ZNF717: variants seen among roughly 807,000 people sequenced by gnomAD.
ZNF717 encodes zinc finger protein 717, also known as krueppel-like factor X17.
A neutral mutation model predicts 13.8 loss-of-function variants in ZNF717; 9 were observed. The ratio of observed to expected loss-of-function variants is 0.65; its 90% CI spans 0.39 to 1.14. The LOEUF (loss-of-function observed/expected upper bound fraction) is 1.14, where lower values mean the gene tolerates loss of function less well. ZNF717 is among the 50% of genes most tolerant of loss of function. The pLI, the probability that ZNF717 is intolerant of heterozygous loss-of-function variation, is 0.01. For synonymous variants in ZNF717, 327 were observed against 364.1 expected (o/e 0.90, Z 1.16); for missense variants, 1,040 against 1,080.7 (o/e 0.96, Z 0.53).
intron 2 of ZNF717, among the ~76,000 whole-genome samples, chr3:75,772,861 T>C (rs1433315115): frequency 6.6e-6 from 1 of 152,270 alleles, no homozygotes; most frequent in South Asian, 2.1e-4. Context: ...TTGTGCCCTT[T>C]GACCTCTCAG....
intron 2 of ZNF717, among the ~76,000 whole-genome samples, chr3:75,753,434 T>C (rs1575853001): frequency 1.3e-5 from 2 of 151,204 alleles, no homozygotes; most frequent in South Asian, 4.2e-4. Context: ...TGAACACTGC[T>C]ACGAGGGTCT....
intron 2 of ZNF717, among the ~76,000 whole-genome samples, chr3:75,781,104 G>C (rs1944782785): frequency 6.6e-6 from 1 of 152,266 alleles, no homozygotes; most frequent in South Asian, 2.1e-4. Flanking sequence ...GGCCTGAGAA[G>C]GACTCCATAA....
chr3:75,694,701 T>C (rs1433725845), intron 6 of ZNF717, among the ~76,000 whole-genome samples: 274 of 152,370 alleles, frequency 1.8e-3, no homozygotes, highest in African/African-American at 5.9e-3. Flanking sequence ...GTTAAAAGAA[T>C]GGCAATAAAG....
downstream of ZNF717, chr3:75,709,506 A>G (rs2106832496): frequency 6.6e-6 from 1 of 152,378 alleles, no homozygotes; most frequent in East Asian, 1.9e-4. Flanking sequence ...AGGTTTTCAA[A>G]GGAAACAATG....
chr3:75,772,970 G>A (rs145524123), intron 2 of ZNF717, among the ~76,000 whole-genome samples: 1 of 152,212 alleles, frequency 6.6e-6, no homozygotes, highest in African/African-American at 2.4e-5. Flanking sequence ...GTTCCAAATA[G>A]GCTTTAGAAG....
chr3:75,730,559 G>A (rs1351322259), exon 6 of ZNF717: 69 of 699,110 alleles, frequency 9.9e-5, no homozygotes, highest in East Asian at 5.9e-4. Flanking sequence ...GGTCCCATAC[G>A]TAGGGATGTC....
chr3:75,711,367 A>T (rs1418448650), intron 5 of ZNF717: 1 of 152,268 alleles, frequency 6.6e-6, no homozygotes, highest in Non-Finnish European at 1.5e-5. Flanking sequence ...AAAAGTCATA[A>T]AAACATCATC....
intron 2 of ZNF717, among the ~76,000 whole-genome samples, chr3:75,749,818 G>C (rs796889672): frequency 6.6e-6 from 1 of 151,442 alleles, no homozygotes; most frequent in African/African-American, 2.4e-5. Context: ...ATCCTGCTGT[G>C]GTCTGAATGT....
chr3:75,745,393 T>C (rs1259527970), intron 2 of ZNF717, among the ~76,000 whole-genome samples: 1 of 151,784 alleles, frequency 6.6e-6, no homozygotes, highest in African/African-American at 2.4e-5. Flanking sequence ...GAACTCTATG[T>C]GAGGGAAAAA....
At chr3:75,700,554 T>C (rs1363341267) in intron 6 of ZNF717, among the ~76,000 whole-genome samples, 1 of 151,822 alleles carries the variant, frequency 6.6e-6, no homozygotes, top group Non-Finnish European at 1.5e-5. Flanking sequence ...TAAGTTATGG[T>C]AATTAAAACA....
downstream of ZNF717, among the ~76,000 whole-genome samples, chr3:75,707,205 A>G (rs76053328): frequency 1.2e-3 from 174 of 141,086 alleles, no homozygotes; most frequent in African/African-American, 1.5e-3. Context: ...ACCCTCAGAA[A>G]AGACAATACA....
intron 2 of ZNF717, among the ~76,000 whole-genome samples, chr3:75,775,105 A>C (rs1452401923): frequency 1.3e-4 from 20 of 151,970 alleles, no homozygotes; most frequent in South Asian, 2.1e-4. Context: ...GGGATTACAG[A>C]CACCTGCCAC....
At chr3:75,757,304 A>G (rs1453342597) in intron 2 of ZNF717, among the ~76,000 whole-genome samples, 3 of 152,172 alleles carry the variant, frequency 2.0e-5, no homozygotes, top group Non-Finnish European at 2.9e-5. Flanking sequence ...GTTAAGGGCT[A>G]ATGCATCTGG....
At chr3:75,775,597 G>A (rs1379666230) in intron 2 of ZNF717, among the ~76,000 whole-genome samples, 1 of 152,212 alleles carries the variant, frequency 6.6e-6, no homozygotes, top group African/African-American at 2.4e-5. Flanking sequence ...GCTCACGTCT[G>A]CAATCCCAGC....
At chr3:75,758,086 A>C in intron 2 of ZNF717, among the ~76,000 whole-genome samples, 1 of 139,304 alleles carries the variant, frequency 7.2e-6, no homozygotes, top group Admixed American at 8.1e-5. Context: ...TTGTCACTGC[A>C]CTCCAGCCCA....
chr3:75,733,911 G>C (rs1938838587), downstream of ZNF717, among the ~76,000 whole-genome samples: 1 of 147,306 alleles, frequency 6.8e-6, no homozygotes, highest in Non-Finnish European at 1.5e-5. Flanking sequence ...TGCCCTGTGA[G>C]ATCTTCTTTC....
chr3:75,734,817 ATTT>A (rs545474632), downstream of ZNF717, among the ~76,000 whole-genome samples: 436 of 57,082 alleles, frequency 7.6e-3, 2 homozygotes, highest in African/African-American at 0.022. Context: ...ATATATATAT[ATTT>A]TTTTTTTTTT....
chr3:75,775,889 A>C (rs1944277747), intron 2 of ZNF717, among the ~76,000 whole-genome samples: 1 of 152,246 alleles, frequency 6.6e-6, no homozygotes, highest in South Asian at 2.1e-4. Context: ...AGTTTAATAA[A>C]AAGACCAACT....
chr3:75,741,285 T>C lies in ZNF717; in HGVS notation c.268A>G (p.Arg90Gly). ...GTATTCACTGACTGACCTGAAAGTC[T>C]CAGGTTTGGGGTTTCTTCTACTATC... ...PWIVEETPNL[R>G]LSAVQIIDDL... Residue 90 changes from arginine to glycine, a missense_variant, in exon 4 of 5, where the codon AGA (arginine) becomes GGA (glycine). By Grantham distance (125) the Arg-to-Gly change is moderately radical. This residue lies in a region of ZNF717 where 123 missense variants were observed against 177.8 expected (regional missense o/e 0.69). Coordinates refer to ENST00000652011, the MANE Select transcript of ZNF717 (RefSeq NM_001290208.3). The C allele has an allele frequency of 1.3e-6, 2 of 1,546,984 alleles. No individual in the cohort carries two copies. Among genetic ancestry groups the C allele is most frequent in the Middle Eastern group, 1.7e-4 (1 of 5,978 alleles).
Sources: gnomAD v4.1 joint callset for allele counts (sites outside exome capture counted in the v4.1 genomes callset) on GRCh38, gnomAD v4.1.1 for gene constraint, gnomAD v4.1.1 regional missense constraint, MANE v1.5 for transcripts, NCBI Gene and HGNC (gene_info 2026-07-23, HGNC 2026-07-21) for gene names.